NCKAP1: variants seen among roughly 807,000 people sequenced by gnomAD.
NCKAP1 encodes NCK associated protein 1, also known as nck-associated protein 1.
NCKAP1 carries 21 observed loss-of-function variants against 151.2 expected under a neutral mutation model. The observed-to-expected ratio is 0.14, with a 90% CI of 0.10 to 0.20. The LOEUF (loss-of-function observed/expected upper bound fraction) is 0.20, where lower values mean the gene tolerates loss of function less well. Among genes scored for constraint, NCKAP1 ranks in the 10% least tolerant of loss-of-function variants. The probability of loss-of-function intolerance (pLI) is 1.00; values close to 1 mark genes in which losing one functional copy is unlikely to be tolerated. For missense variants in NCKAP1, 933 were observed against 1,352.1 expected, an observed-to-expected ratio of 0.69 and a Z score of 4.86; for synonymous variants, 484 against 451.8, an observed-to-expected ratio of 1.07 and a Z score of -0.90.
At chr2:183,007,201 T>C (rs1392838035) in intron 2 of NCKAP1, among the ~76,000 whole-genome samples, 1 of 152,210 alleles carries the variant, frequency 6.6e-6, no homozygotes, top group African/African-American at 2.4e-5. Context: ...TAAAAGCATA[T>C]TCATGTGATA....
chr2:182,942,048 A>G, intron 24 of NCKAP1, 22 bp downstream of exon 24: 2 of 1,576,504 alleles, frequency 1.3e-6, no homozygotes, highest in South Asian at 2.3e-5. Context: ...TATGTTTATA[A>G]AAAGTATCAT....
At position 182,959,049 on chromosome 2, in the gene NCKAP1, T is replaced by C. The variant is rs961140077; in HGVS notation, c.1882-1453A>G. On this transcript the variant is annotated intron_variant, in intron 18 of 30. Transcript: ENST00000361354. ...CTTTCTAAGTTTTGTGTATGGCTAC[T>C]ACAAAATTTTAAATTACATATGTGG... 2.0e-5 allele frequency among the ~76,000 whole-genome samples: 3 copies of C among 152,240 alleles called. No individual in the cohort carries two copies. In the South Asian group the frequency reaches 6.2e-4, roughly 31 times the overall value.
rs1014829032 is a variant in NCKAP1 at position 182,989,336 on chromosome 2, T to C, written c.791-150A>G. 7.7e-6 allele frequency: 4 copies of C among 520,790 alleles called. No homozygotes were observed. In the African/African-American group the frequency reaches 7.7e-5, roughly 10 times the overall value. The allele number at this position is 520,790 out of a possible 1,614,324, so 32.3% of individuals were successfully genotyped here. A position where few individuals can be genotyped will look rare whatever the true frequency, so the allele number is the denominator to read the frequency against. On this transcript the variant is annotated intron_variant, in intron 8 of 30. Transcript: ENST00000361354. ...AGTAACAATACATATGTATAAACCA[T>C]GGTAATACGTTTCTTTTCCAATTAT...
At chr2:182,941,516 A>C (rs1029954762) in intron 24 of NCKAP1, among the ~76,000 whole-genome samples, 1 of 152,244 alleles carries the variant, frequency 6.6e-6, no homozygotes, top group African/African-American at 2.4e-5. Context: ...AGTGACAGAA[A>C]TAAGATCAGT....
At chr2:182,988,512 T>C (rs1698102478) in intron 9 of NCKAP1, among the ~76,000 whole-genome samples, 1 of 152,200 alleles carries the variant, frequency 6.6e-6, no homozygotes, top group Admixed American at 6.5e-5. Context: ...ACATTTCAGA[T>C]AATTATTTGC....
intron 23 of NCKAP1, among the ~76,000 whole-genome samples, chr2:182,951,095 G>C (rs1215209774): frequency 6.6e-6 from 1 of 151,844 alleles, no homozygotes; most frequent in Admixed American, 6.6e-5. Context: ...GCCTCCCAAA[G>C]TGCTGGATTA....
intron 2 of NCKAP1, among the ~76,000 whole-genome samples, chr2:183,010,538 G>A (rs1698572945): frequency 6.6e-6 from 1 of 152,164 alleles, no homozygotes; most frequent in Non-Finnish European, 1.5e-5. Flanking sequence ...GACCTGTTAT[G>A]CAGCAATAGG....
chr2:182,946,621 A>G (rs1442411868), intron 23 of NCKAP1, among the ~76,000 whole-genome samples: 2 of 152,096 alleles, frequency 1.3e-5, no homozygotes, highest in East Asian at 1.9e-4. Context: ...AAATGCTCAA[A>G]CAAGTATGTA....
intron 23 of NCKAP1, among the ~76,000 whole-genome samples, chr2:182,950,444 G>A (rs151101013): frequency 2.3e-4 from 35 of 152,122 alleles, no homozygotes; most frequent in Admixed American, 2.1e-3. Context: ...TTGGAGATGA[G>A]AAATTTCTTA....
intron 19 of NCKAP1, 55 bp downstream of exon 19, chr2:182,957,402 A>C: frequency 1.9e-6 from 3 of 1,542,272 alleles, no homozygotes; most frequent in Non-Finnish European, 2.6e-6. Context: ...AATAGAAAAA[A>C]ATGAAATAAA....
intron 23 of NCKAP1, among the ~76,000 whole-genome samples, chr2:182,945,248 A>T (rs6756896): frequency 1.2e-3 from 1 of 860 alleles, no homozygotes; most frequent in African/African-American, 1.4e-3. Context: ...AATAAAAAAC[A>T]AAAAAAAAGC....
At chr2:182,944,691 C>T (rs190121426) in intron 23 of NCKAP1, among the ~76,000 whole-genome samples, 5 of 152,082 alleles carry the variant, frequency 3.3e-5, no homozygotes, top group East Asian at 1.9e-4. Flanking sequence ...AAAAGGTCCT[C>T]GGCTAAAACA....
chr2:183,028,191 A>C (rs1377960127), intron 1 of NCKAP1, among the ~76,000 whole-genome samples: 1 of 152,050 alleles, frequency 6.6e-6, no homozygotes, highest in Non-Finnish European at 1.5e-5. Context: ...CCTACCAAAA[A>C]AAAAACTTTT....
intron 8 of NCKAP1, among the ~76,000 whole-genome samples, chr2:182,991,238 G>A (rs773812946): frequency 7.2e-5 from 11 of 152,038 alleles, no homozygotes; most frequent in Non-Finnish European, 1.6e-4. Context: ...GTTTAAATTG[G>A]ACCAAAAAAG....
At position 183,023,580 on chromosome 2, in the gene NCKAP1, T is replaced by C. The variant is rs180825566; in HGVS notation, c.219+226A>G. On this transcript the variant is annotated intron_variant, in intron 2 of 30. Coordinates refer to ENST00000361354, the MANE Select transcript of NCKAP1 (RefSeq NM_013436.5). ...TGCAATTTGAAAGGGAATAAATATA[T>C]AGTAATCTAAGATCTTTGCTGTAAT... is the stretch of plus-strand genomic sequence containing the variant. 6.0e-4 allele frequency among the ~76,000 whole-genome samples: 91 copies of C among 152,290 alleles called. 1 individual carries two copies. Among genetic ancestry groups the C allele is most frequent in the Admixed American group, 5.8e-3 (88 of 15,292 alleles).
chr2:182,925,895 TGGG>T, intron 30 of NCKAP1, 77 bp from the exon 31 acceptor site: 1 of 688,256 alleles, frequency 1.5e-6, no homozygotes, highest in Admixed American at 3.4e-5. Context: ...TTATTTATAA[TGGG>T]AACATTTATT....
chr2:182,975,485 AG>A (rs1489514248), intron 15 of NCKAP1, among the ~76,000 whole-genome samples: 1 of 152,210 alleles, frequency 6.6e-6, no homozygotes, highest in Non-Finnish European at 1.5e-5. Flanking sequence ...GCAGACCGCC[AG>A]AAAAGTATGG....
At chr2:182,958,877 CTG>C (rs748773417) in intron 18 of NCKAP1, among the ~76,000 whole-genome samples, 1 of 152,168 alleles carries the variant, frequency 6.6e-6, no homozygotes, top group Admixed American at 6.5e-5. Context: ...CCAAATTCAG[CTG>C]TGTTATAAGA....
rs780017527 is a variant in NCKAP1, at chr2:182,989,121, C to T, written c.856G>A (p.Ala286Thr). 1.9e-6 allele frequency: 3 copies of T among 1,613,474 alleles called. No homozygotes were observed. The highest frequency in any genetic ancestry group is 1.1e-5 in the South Asian group (1 of 91,062). The change falls in exon 9 of 31, where the codon GCT (alanine) becomes ACT (threonine). Residue 286 changes from alanine (A) to threonine (T), a missense_variant. Physicochemically the swap from Ala to Thr is moderately conservative, Grantham distance 58. This residue lies in a region of NCKAP1 where 607 missense variants were observed against 795.0 expected (regional missense o/e 0.76). Coordinates refer to ENST00000361354, the MANE Select transcript of NCKAP1 (RefSeq NM_013436.5). ...GAGAGGCAAGAGCTACTTTGAAGAG[C>T]TAGTTTCCAAAGGTTCAGTGCTGTA... Reference protein sequence around the residue: ...DATALNLWKLALQSSSCLSLF... With the variant: ...DATALNLWKLTLQSSSCLSLF...
Sources: gnomAD v4.1 joint callset for allele counts (sites outside exome capture counted in the v4.1 genomes callset) on GRCh38, gnomAD v4.1.1 for gene constraint, gnomAD v4.1.1 regional missense constraint, MANE v1.5 for transcripts, NCBI Gene and HGNC (gene_info 2026-07-23, HGNC 2026-07-21) for gene names.